Variants in ALMS1 observed in about 807,000 individuals in gnomAD.
The protein encoded by ALMS1 is centrosome-associated protein ALMS1.
In ALMS1, 271 loss-of-function variants were observed where a neutral mutation model predicts 352.2. That is an observed-to-expected ratio of 0.77 (90% CI 0.70 to 0.85). The LOEUF (loss-of-function observed/expected upper bound fraction) is 0.85, where lower values mean the gene tolerates loss of function less well. Ranked by LOEUF, ALMS1 falls within the 40% of genes least tolerant of loss-of-function variation. The pLI is 0.00. For missense variants in ALMS1, 5,445 were observed against 4,870.7 expected, an observed-to-expected ratio of 1.12 and a Z score of -3.51; for synonymous variants, 1,865 against 1,761.2, an observed-to-expected ratio of 1.06 and a Z score of -1.48.
At chr2:73,481,978 C>G (rs906624001) in intron 9 of ALMS1, among the ~76,000 whole-genome samples, 1 of 152,052 alleles carries the variant, frequency 6.6e-6, no homozygotes, top group Admixed American at 6.6e-5. Context: ...AGATTTTGGG[C>G]TGAGACAGTG....
intron 2 of ALMS1, among the ~76,000 whole-genome samples, chr2:73,414,395 T>G (rs1671138879): frequency 6.6e-6 from 1 of 151,756 alleles, no homozygotes; most frequent in African/African-American, 2.4e-5. Context: ...AATATTTCCT[T>G]TAGGACTTTA....
rs532799261 is a variant in ALMS1, at chr2:73,570,871, C to CTGTT, written c.10385-1381_10385-1378dup. 5.3e-5 allele frequency among the ~76,000 whole-genome samples: 8 copies of CTGTT among 152,286 alleles called. 1 individual carries two copies. The South Asian group carries it at 1.0e-3, about 20-fold the overall frequency. On this transcript the variant is annotated intron_variant, in intron 15 of 22. Coordinates refer to ENST00000613296, the MANE Select transcript of ALMS1 (RefSeq NM_001378454.1). ...CCCTCAGCCCAGAATGTTCTTCTTC[C>CTGTT]TGTTTGTTTGTTTAGCTCTCATTTT...
chr2:73,553,389 T>C (rs1028092726), intron 13 of ALMS1, among the ~76,000 whole-genome samples: 2 of 152,146 alleles, frequency 1.3e-5, no homozygotes, highest in African/African-American at 4.8e-5. Context: ...GTGGCGGTGG[T>C]ACACAAGGCC....
Position 73,453,646 on chromosome 2 carries a change from A to G in ALMS1, c.7119A>G (p.Ala2373=). 2 of 1,614,110 alleles carry G rather than the reference A, an allele frequency of 1.2e-6. No individual in the cohort carries two copies. Among genetic ancestry groups the G allele is most frequent in the Non-Finnish European group, 1.7e-6 (2 of 1,180,016 alleles). ...LQEAESKVSM[A]LEETLRQYQA... ...AAGCAGAGAGCAAAGTCAGTATGGC[A>G]TTAGAAGAAACTCTTAGGCAATATC... Residue 2373 remains alanine (A), a synonymous_variant, in exon 8 of 23, where the codon GCA becomes GCG. Coordinates refer to ENST00000613296, the MANE Select transcript of ALMS1 (RefSeq NM_001378454.1).
intron 9 of ALMS1, among the ~76,000 whole-genome samples, chr2:73,468,498 C>T (rs1272175088): frequency 2.0e-5 from 3 of 152,034 alleles, no homozygotes; most frequent in African/African-American, 7.2e-5. Context: ...AGACTCTTTT[C>T]ATCTTGTAAA....
chr2:73,604,584 A>G (rs1407173706), intron 21 of ALMS1, among the ~76,000 whole-genome samples: 1 of 152,102 alleles, frequency 6.6e-6, no homozygotes, highest in Non-Finnish European at 1.5e-5. Context: ...TTATCTCATG[A>G]ACTTTAAGCA....
intron 10 of ALMS1, among the ~76,000 whole-genome samples, chr2:73,511,619 T>G (rs776083864): frequency 7.2e-5 from 11 of 152,210 alleles, no homozygotes; most frequent in Admixed American, 1.3e-4. Flanking sequence ...TTTGGCCATC[T>G]TGCCCGGGAA....
chr2:73,488,560 G>A (rs1026206868), intron 9 of ALMS1, among the ~76,000 whole-genome samples: 1 of 152,146 alleles, frequency 6.6e-6, no homozygotes, highest in Admixed American at 6.5e-5. Context: ...CTCCAACTCA[G>A]AAGGGAGTGG....
intron 16 of ALMS1, among the ~76,000 whole-genome samples, chr2:73,579,896 G>A (rs2901451): frequency 0.069 from 10,454 of 152,006 alleles, 861 homozygotes; most frequent in African/African-American, 0.19. Context: ...GAGCTACTTC[G>A]ATGTTTAGAT....
chr2:73,399,810 T>C (rs1416348753), intron 1 of ALMS1, among the ~76,000 whole-genome samples: 3 of 152,138 alleles, frequency 2.0e-5, no homozygotes, highest in African/African-American at 7.2e-5. Context: ...AAGTTGAGAA[T>C]ATTCCCCTCT....
In ALMS1 at chr2:73,557,193, T is replaced by G. The variant is rs187204111; in HGVS notation, c.10079-27T>G. The G allele has an allele frequency of 6.0e-4, 969 of 1,613,968 alleles. 7 individuals are homozygous for G. In the African/African-American group the frequency reaches 0.012, roughly 20 times the overall value. On this transcript the variant is annotated intron_variant, in intron 13 of 22. Transcript: ENST00000613296. ...GTTGTGTTTATTATCTTTCCTTTTC[T>G]GAAATCAAATGATGTCGTTATTCCA...
rs199626728 is a variant in ALMS1 at position 73,392,760 on chromosome 2, GT to G, written c.324+6576del. Among the ~76,000 whole-genome samples, 537 of 151,924 alleles carry G rather than the reference GT, an allele frequency of 3.5e-3. 3 individuals carry two copies. Among genetic ancestry groups the G allele is most frequent in the African/African-American group, 0.012 (489 of 41,424 alleles). ...TATCCATTCATCAGTTGATGGACAT[GT>G]TTTTTTTCCTCCTTTTTGGCTATTA... On this transcript the variant is annotated intron_variant, in intron 1 of 22. Coordinates refer to ENST00000613296, the MANE Select transcript of ALMS1 (RefSeq NM_001378454.1).
At chr2:73,609,026 C>G (rs747914681) in intron 22 of ALMS1, among the ~76,000 whole-genome samples, 5 of 152,220 alleles carry the variant, frequency 3.3e-5, no homozygotes, top group African/African-American at 4.8e-5. Context: ...CATGCCCTGC[C>G]CATTGTCCCA....
intron 12 of ALMS1, among the ~76,000 whole-genome samples, chr2:73,544,157 A>G (rs562973615): frequency 1.3e-5 from 2 of 152,370 alleles, no homozygotes; most frequent in South Asian, 2.1e-4. Context: ...TAAATGTGGC[A>G]CATATACACC....
At chr2:73,535,013 A>G in intron 12 of ALMS1, 64 bp downstream of exon 12, 2 of 1,598,656 alleles carry the variant, frequency 1.3e-6, no homozygotes, top group Non-Finnish European at 1.7e-6. Flanking sequence ...TGGCTAGTTG[A>G]TTCTGGAGTG....
chr2:73,545,166 G>T (rs1001328867), intron 12 of ALMS1, among the ~76,000 whole-genome samples: 4 of 150,596 alleles, frequency 2.7e-5, no homozygotes, highest in Non-Finnish European at 5.9e-5. Flanking sequence ...ACTTAAAAAT[G>T]ATTAATTTTT....
In ALMS1 at chr2:73,453,090, C is replaced by T. The variant is rs752016657; in HGVS notation, c.6563C>T (p.Thr2188Ile). Residue 2188 changes from threonine to isoleucine, a missense_variant, in exon 8 of 23, where the codon ACT becomes ATT. Physicochemically the swap from Thr to Ile is moderately conservative, Grantham distance 89. Transcript: ENST00000613296. ...ITGLQTVPSG[T>I]YSHGENHKLV... ...GGATTACAAACAGTTCCCTCTGGTA[C>T]TTACTCACATGGTGAGAATCACAAG... The T allele has an allele frequency of 6.2e-7, 1 of 1,613,966 alleles. No individual in the cohort carries two copies. Among genetic ancestry groups the T allele is most frequent in the East Asian group, 2.2e-5 (1 of 44,870 alleles).
At chr2:73,535,365 T>G (rs948627013) in intron 12 of ALMS1, among the ~76,000 whole-genome samples, 2 of 152,216 alleles carry the variant, frequency 1.3e-5, no homozygotes, top group African/African-American at 4.8e-5. Context: ...TTGTTATTTA[T>G]TTTTGGTTTT....
chr2:73,409,248 G>A (rs1671031058), intron 2 of ALMS1, among the ~76,000 whole-genome samples: 1 of 151,764 alleles, frequency 6.6e-6, no homozygotes, highest in Admixed American at 6.6e-5. Flanking sequence ...TTTTTTTGAA[G>A]GCGGGTCTCA....
Sources: gnomAD v4.1 joint callset for allele counts (sites outside exome capture counted in the v4.1 genomes callset) on GRCh38, gnomAD v4.1.1 for gene constraint, MANE v1.5 for transcripts, NCBI Gene and HGNC (gene_info 2026-07-23, HGNC 2026-07-21) for gene names.